RFXANK: variants seen among roughly 807,000 people sequenced by gnomAD.
The protein encoded by RFXANK is DNA-binding protein RFXANK.
In RFXANK, 19 loss-of-function variants were observed where a neutral mutation model predicts 34.5. The ratio of observed to expected loss-of-function variants is 0.55; its 90% CI spans 0.38 to 0.81. The LOEUF (loss-of-function observed/expected upper bound fraction) is 0.81. RFXANK is among the 30% of genes least tolerant of loss of function. The probability of loss-of-function intolerance (pLI) is 0.00; values close to 1 mark genes in which losing one functional copy is unlikely to be tolerated. For synonymous variants in RFXANK, 154 were observed against 149.8 expected (o/e 1.03, Z -0.20); for missense variants, 295 against 343.5 (o/e 0.86, Z 1.12).
intron 4 of RFXANK, 51 bp downstream of exon 4, chr19:19,197,097 G>GC (rs1456053367): frequency 1.2e-6 from 2 of 1,611,582 alleles, no homozygotes; most frequent in Admixed American, 1.7e-5. Context: ...GGGTGGGAGG[G>GC]CCTGTGAGGA....
In RFXANK at chr19:19,197,780, G is replaced by T. The variant is rs563004032; in HGVS notation, c.438+159G>T. The T allele has an allele frequency of 1.0e-4, 74 of 709,896 alleles. No homozygotes were observed. The East Asian group carries it at 1.7e-3, about 16-fold the overall frequency. 44.0% of individuals were successfully genotyped at this position (709,896 alleles called of 1,614,324 possible). On this transcript the variant is annotated intron_variant, in intron 6 of 9. Coordinates refer to ENST00000303088, the MANE Select transcript of RFXANK (RefSeq NM_003721.4). Reference sequence around the variant, plus strand: ...TCCCAGCACTTTGGGAGGCCGAGGCGGGTGGATCACTTGAGGTCAGGAGTT... The same window carrying T: ...TCCCAGCACTTTGGGAGGCCGAGGCTGGTGGATCACTTGAGGTCAGGAGTT...
Position 19,201,735 on chromosome 19 carries a change from GACTCAGAC to G in RFXANK, c.*23_*30del. ...CCCTGAGTGAAGGCCGCCTGCCGGGGACTCAGACACTCAGGGAACAAAATGGTCAGCCA... is the reference window on the plus strand; with the variant it reads ...CCCTGAGTGAAGGCCGCCTGCCGGGGACTCAGGGAACAAAATGGTCAGCCA... On this transcript the variant is annotated 3_prime_UTR_variant, in exon 10 of 10. Coordinates refer to ENST00000303088, the MANE Select transcript of RFXANK (RefSeq NM_003721.4). The G allele has an allele frequency of 6.2e-7, 1 of 1,613,794 alleles. No individual in the cohort carries two copies. The highest frequency in any genetic ancestry group is 8.5e-7 in the Non-Finnish European group (1 of 1,179,970).
intron 2 of RFXANK, among the ~76,000 whole-genome samples, chr19:19,193,435 T>C (rs912697826): frequency 9.5e-5 from 14 of 146,644 alleles, no homozygotes; most frequent in African/African-American, 3.6e-4. Context: ...TTTTTTTTTT[T>C]TGAGACAGAG....
chr19:19,194,076 C>T lies in RFXANK; in HGVS notation c.130C>T (p.Pro44Ser), dbSNP rs780741433. ...GSDTVVLSLF[P>S]CTPEPVNPEP... ...AGACACTGTGGTCCTCAGTCTCTTT[C>T]CCTGCACCCCTGAGCCTGTGAATCC... is the stretch of plus-strand genomic sequence containing the variant. Residue 44 changes from proline to serine, a missense_variant, in exon 3 of 10, where the codon CCC (proline) becomes TCC (serine). Coordinates refer to ENST00000303088, the MANE Select transcript of RFXANK (RefSeq NM_003721.4). 1 of 1,614,192 alleles carries T rather than the reference C, an allele frequency of 6.2e-7. No homozygotes were observed. Among genetic ancestry groups the T allele is most frequent in the Non-Finnish European group, 8.5e-7 (1 of 1,180,028 alleles).
At chr19:19,194,268 T>C (rs2060556890) in intron 3 of RFXANK, 135 bp downstream of exon 3, 3 of 983,644 alleles carry the variant, frequency 3.0e-6, no homozygotes, top group Non-Finnish European at 4.7e-6. Flanking sequence ...GTTTTGCTCT[T>C]GTTGCCCATG....
In RFXANK at chr19:19,199,194, C is replaced by T. The variant is rs2060654439; in HGVS notation, c.672C>T (p.Tyr224=). 7 of 1,613,926 alleles carry T rather than the reference C, an allele frequency of 4.3e-6. No individual in the cohort carries two copies. The highest frequency in any genetic ancestry group is 1.7e-5 in the Admixed American group (1 of 60,004). ...ADLTTEADSG[Y]TPMDLAVALG... Reference sequence around the variant, plus strand: ...TCACCACCGAAGCCGACTCTGGCTACACCCCGATGGACCTTGCCGTGGCCC... The same window carrying T: ...TCACCACCGAAGCCGACTCTGGCTATACCCCGATGGACCTTGCCGTGGCCC... Residue 224 remains tyrosine, a synonymous_variant, in exon 9 of 10, where the codon TAC becomes TAT. Transcript: ENST00000303088.
intron 3 of RFXANK, 66 bp from the exon 4 acceptor site, chr19:19,196,897 G>A: frequency 7.1e-7 from 1 of 1,415,100 alleles, no homozygotes; most frequent in Admixed American, 1.7e-5. Context: ...AAACAGATGG[G>A]CTTCTGTCCT....
At position 19,197,268 on chromosome 19, in the gene RFXANK, A is replaced by C; in HGVS notation, c.337+17A>C. The C allele has an allele frequency of 6.2e-7, 1 of 1,611,226 alleles. No individual in the cohort carries two copies. The highest frequency in any genetic ancestry group is 8.5e-7 in the Non-Finnish European group (1 of 1,179,276). ...TGCGGAAAGGTGCGTGTCCACACAC[A>C]TGTGCTGGCATGTCTGCACCTGGCT... On this transcript the variant is annotated intron_variant, in intron 5 of 9. Coordinates refer to ENST00000303088, the MANE Select transcript of RFXANK (RefSeq NM_003721.4).
rs138716347 is a variant in RFXANK, at chr19:19,198,689, C to T, written c.597C>T (p.Arg199=). Residue 199 remains arginine, a synonymous_variant, in exon 8 of 10, where the codon CGC becomes CGT. Transcript: ENST00000303088. ...GGACGCCACTGCTGTACGCTGTGCG[C>T]GGGAACCACGTGAAATGCGTTGAGG... ...NGGTPLLYAV[R]GNHVKCVEAL... is the part of the protein sequence containing the mutation. The T allele has an allele frequency of 1.5e-5, 24 of 1,613,800 alleles. No homozygotes were observed. Among genetic ancestry groups the T allele is most frequent in the African/African-American group, 4.0e-5 (3 of 74,948 alleles).
chr19:19,198,043 G>A (rs2060632525), intron 6 of RFXANK, 64 bp from the exon 7 acceptor site: 2 of 1,601,456 alleles, frequency 1.2e-6, no homozygotes, highest in African/African-American at 1.3e-5. Context: ...GGCTGCTGTG[G>A]GTACCCCAGG....
At chr19:19,193,915 C>T in intron 2 of RFXANK, 24 bp from the exon 3 acceptor site, 3 of 1,612,078 alleles carry the variant, frequency 1.9e-6, no homozygotes, top group Non-Finnish European at 1.7e-6. Flanking sequence ...ATTGTCATCT[C>T]TCCCCTTCTG....
intron 3 of RFXANK, 44 bp downstream of exon 3, chr19:19,194,177 G>T: frequency 6.4e-7 from 1 of 1,554,396 alleles, no homozygotes; most frequent in Non-Finnish European, 8.9e-7. Flanking sequence ...ATTCCATGAT[G>T]ATGGAATGTC....
chr19:19,193,183 G>A (rs541304768), intron 2 of RFXANK, 83 bp downstream of exon 2: 1 of 152,330 alleles, frequency 6.6e-6, no homozygotes, highest in Admixed American at 6.6e-5. Flanking sequence ...CACTCATTAT[G>A]GGGAGCCCCT....
At chr19:19,200,252 A>G (rs2060683721) in intron 9 of RFXANK, among the ~76,000 whole-genome samples, 2 of 142,242 alleles carry the variant, frequency 1.4e-5, no homozygotes, top group South Asian at 4.3e-4. Flanking sequence ...ATCTCGGCTC[A>G]CTGCAACTTC....
At chr19:19,198,340 C>A (rs557791727) in intron 7 of RFXANK, 108 bp downstream of exon 7, 57 of 1,497,910 alleles carry the variant, frequency 3.8e-5, no homozygotes, top group Admixed American at 5.8e-5. Flanking sequence ...GTGCCGAGAA[C>A]ACGAGACAGC....
chr19:19,198,168 G>A lies in RFXANK; in HGVS notation c.500G>A (p.Gly167Asp). 1 of 1,614,176 alleles carries A rather than the reference G, an allele frequency of 6.2e-7. No individual in the cohort carries two copies. The highest frequency in any genetic ancestry group is 8.5e-7 in the Non-Finnish European group (1 of 1,180,030). ...RESALSLAST[G>D]GYTDIVGLLL... The stretch of plus-strand genomic sequence containing the variant: ...AGCGCCCTGTCGCTGGCCAGCACAG[G>A]CGGCTACACAGACATTGTGGGGCTG... Residue 167 changes from glycine to aspartate, a missense_variant, in exon 7 of 10, where the codon GGC (glycine) becomes GAC (aspartate). Transcript: ENST00000303088.
intron 8 of RFXANK, 111 bp from the exon 9 acceptor site, chr19:19,199,043 C>T (rs754498067): frequency 1.3e-5 from 14 of 1,103,450 alleles, no homozygotes; most frequent in Admixed American, 3.7e-5. Flanking sequence ...AACGGGCAGA[C>T]CCACGGCTGC....
Position 19,192,418 on chromosome 19 carries a change from G to A in RFXANK, c.-286G>A, listed in dbSNP as rs914929233. ...CCTTTCTGAACCCCCTTTTCCTTGA[G>A]AGACGAGTTGGGGGAGTCCTCCACG... is the stretch of plus-strand genomic sequence containing the variant. On this transcript the variant is annotated 5_prime_UTR_variant, in exon 1 of 10. Transcript: ENST00000303088. The A allele has an allele frequency of 1.9e-6, 1 of 516,156 alleles. No homozygotes were observed. Among genetic ancestry groups the A allele is most frequent in the Non-Finnish European group, 3.5e-6 (1 of 285,866 alleles). The allele number at this position is 516,156 out of a possible 1,614,324, so 32.0% of individuals were successfully genotyped here.
In RFXANK at chr19:19,201,636, T is replaced by C. The variant is rs374324971; in HGVS notation, c.713-13T>C. 6.2e-7 allele frequency: 1 copy of C among 1,614,058 alleles called. No individual in the cohort carries two copies. The highest frequency in any genetic ancestry group is 1.1e-5 in the South Asian group (1 of 91,084). The stretch of plus-strand genomic sequence containing the variant: ...TCAAGCTCACAGCCCACCTTTTCCC[T>C]GCCCCATCTCAGTGCAACAGGTGAT... On this transcript the variant is annotated splice_polypyrimidine_tract_variant and intron_variant, in intron 9 of 9. Transcript: ENST00000303088.
Sources: gnomAD v4.1 joint callset for allele counts (sites outside exome capture counted in the v4.1 genomes callset) on GRCh38, gnomAD v4.1.1 for gene constraint, MANE v1.5 for transcripts, NCBI Gene and HGNC (gene_info 2026-07-23, HGNC 2026-07-21) for gene names.